Variants in PTPRG observed in about 807,000 individuals in gnomAD.
PTPRG encodes protein tyrosine phosphatase receptor type G.
PTPRG carries 102 observed loss-of-function variants against 165.3 expected under a neutral mutation model. The observed-to-expected ratio is 0.62, with a 90% CI of 0.53 to 0.73. The LOEUF (loss-of-function observed/expected upper bound fraction) is 0.73. Among genes scored for constraint, PTPRG ranks in the 30% least tolerant of loss-of-function variants. The pLI is 0.00. For missense variants in PTPRG, 1,866 were observed against 1,861.4 expected, an observed-to-expected ratio of 1.00 and a Z score of -0.05; for synonymous variants, 675 against 669.5, an observed-to-expected ratio of 1.01 and a Z score of -0.13.
chr3:61,859,629 A>C (rs1041491269), intron 2 of PTPRG, among the ~76,000 whole-genome samples: 4 of 146,790 alleles, frequency 2.7e-5, no homozygotes, highest in African/African-American at 1.0e-4. Flanking sequence ...TTTTTTGGTC[A>C]TTGTTGTTTG....
intron 1 of PTPRG, among the ~76,000 whole-genome samples, chr3:61,650,840 CTG>C (rs761253016): frequency 1.8e-4 from 28 of 152,216 alleles, no homozygotes; most frequent in Admixed American, 3.9e-4. Context: ...TCTTTTACCA[CTG>C]TTTGGTTTTA....
intron 2 of PTPRG, among the ~76,000 whole-genome samples, chr3:61,881,535 C>A (rs145137759): frequency 6.6e-6 from 1 of 152,164 alleles, no homozygotes; most frequent in African/African-American, 2.4e-5. Flanking sequence ...GCATGCAGAT[C>A]TGAAAGCTCC....
intron 1 of PTPRG, among the ~76,000 whole-genome samples, chr3:61,654,543 C>T (rs900587042): frequency 7.9e-5 from 12 of 151,980 alleles, no homozygotes; most frequent in Non-Finnish European, 1.8e-4. Flanking sequence ...TGCCACCATG[C>T]TCAGCTAGTT....
rs561179731 is a variant in PTPRG, at chr3:62,273,157, A to G, written c.3318+76A>G. Reference sequence around the variant, plus strand: ...TGAAATTTGTTAAATGATAATGAAGAGACAGATTCATTCTTTTAGGGCTTG... The same window carrying G: ...TGAAATTTGTTAAATGATAATGAAGGGACAGATTCATTCTTTTAGGGCTTG... On this transcript the variant is annotated intron_variant, in intron 22 of 29. Coordinates refer to ENST00000474889, the MANE Select transcript of PTPRG (RefSeq NM_002841.4). This position sits in a 1 kb window ranked among gnomAD's most constrained non-coding sequence, Gnocchi z 4.1. The G allele has an allele frequency of 1.2e-4, 176 of 1,434,156 alleles. No individual in the cohort carries two copies. The highest frequency in any genetic ancestry group is 1.6e-4 in the Non-Finnish European group (169 of 1,067,098). 88.8% of individuals were successfully genotyped at this position (1,434,156 alleles called of 1,614,324 possible). A position where few individuals can be genotyped will look rare whatever the true frequency, so the allele number is the denominator to read the frequency against.
intron 2 of PTPRG, among the ~76,000 whole-genome samples, chr3:61,956,850 C>T (rs754281338): frequency 3.9e-5 from 6 of 152,044 alleles, no homozygotes; most frequent in Non-Finnish European, 7.4e-5. Flanking sequence ...CCCTCTTTAT[C>T]CTGGAATAGT....
intron 2 of PTPRG, among the ~76,000 whole-genome samples, chr3:61,852,378 G>A (rs1055764094): frequency 6.6e-6 from 1 of 152,200 alleles, no homozygotes; most frequent in African/African-American, 2.4e-5. Flanking sequence ...GTTATACAGT[G>A]ATTATAAGGT....
chr3:61,987,691 C>A (rs931600466), intron 2 of PTPRG, among the ~76,000 whole-genome samples: 14 of 146,302 alleles, frequency 9.6e-5, no homozygotes, highest in African/African-American at 3.3e-4. Flanking sequence ...TTTACAAACT[C>A]AATTGTGGCT....
chr3:61,653,663 G>C (rs972112954), intron 1 of PTPRG, among the ~76,000 whole-genome samples: 5 of 152,118 alleles, frequency 3.3e-5, no homozygotes, highest in Admixed American at 2.6e-4. Context: ...AGGATTCGTC[G>C]TGCCCTGCCA....
chr3:62,257,882 T>A (rs544840955), intron 16 of PTPRG, among the ~76,000 whole-genome samples: 1 of 152,224 alleles, frequency 6.6e-6, no homozygotes, highest in South Asian at 2.1e-4. Context: ...GAGGATCACT[T>A]GAGCCCAGGA....
At chr3:61,826,586 T>C (rs186023825) in intron 2 of PTPRG, among the ~76,000 whole-genome samples, 1 of 152,170 alleles carries the variant, frequency 6.6e-6, no homozygotes, top group Non-Finnish European at 1.5e-5. Flanking sequence ...ACGGCCAATT[T>C]GTTAAAAATG....
chr3:62,145,358 A>G (rs755681778), intron 6 of PTPRG, among the ~76,000 whole-genome samples: 2 of 152,182 alleles, frequency 1.3e-5, no homozygotes, highest in African/African-American at 2.4e-5. Flanking sequence ...CACCACTGCC[A>G]CCAACCCCCA....
intron 2 of PTPRG, among the ~76,000 whole-genome samples, chr3:61,824,070 G>C (rs1387690010): frequency 6.6e-6 from 1 of 152,052 alleles, no homozygotes; most frequent in Non-Finnish European, 1.5e-5. Flanking sequence ...CTTGCAGTGA[G>C]CCAAGATCGC....
chr3:61,849,978 G>A (rs573338350), intron 2 of PTPRG, among the ~76,000 whole-genome samples: 18 of 152,066 alleles, frequency 1.2e-4, no homozygotes, highest in African/African-American at 3.9e-4. Flanking sequence ...TTTTCTCTGG[G>A]CGAAAAGTTG....
At chr3:61,777,995 A>G (rs1263838143) in intron 2 of PTPRG, among the ~76,000 whole-genome samples, 1 of 152,182 alleles carries the variant, frequency 6.6e-6, no homozygotes, top group Non-Finnish European at 1.5e-5. Flanking sequence ...AATACGTGCC[A>G]TTCACTCATT....
intron 5 of PTPRG, among the ~76,000 whole-genome samples, chr3:62,092,120 A>T (rs1166329012): frequency 1.6e-5 from 1 of 62,870 alleles, no homozygotes; most frequent in Non-Finnish European, 3.2e-5. Flanking sequence ...ACACACACAC[A>T]CACACACACA....
chr3:62,004,362 G>A (rs1278822089), intron 4 of PTPRG, among the ~76,000 whole-genome samples: 1 of 152,108 alleles, frequency 6.6e-6, no homozygotes, highest in Non-Finnish European at 1.5e-5. Context: ...CATAGAAATT[G>A]ACCCTTCTGC....
At chr3:61,830,560 G>GTTTTTTTTTTTTT (rs1220550805) in intron 2 of PTPRG, among the ~76,000 whole-genome samples, 1 of 90,106 alleles carries the variant, frequency 1.1e-5, no homozygotes, top group Non-Finnish European at 2.3e-5. Context: ...GGTTCTTTTT[G>GTTTTTTTTTTTTT]TTTTTGTTTT....
chr3:62,078,348 GT>G, intron 5 of PTPRG, 90 bp downstream of exon 5: 1 of 802,056 alleles, frequency 1.2e-6, no homozygotes, highest in Non-Finnish European at 2.0e-6. Flanking sequence ...GAATGCATCT[GT>G]TTTCTAGTTC....
rs562636863 is a variant in PTPRG, at chr3:61,656,805, A to C, written c.86-92073A>C. Among the ~76,000 whole-genome samples the C allele has an allele frequency of 2.6e-5, 4 of 152,296 alleles. No homozygotes were observed. The East Asian group carries it at 7.7e-4, about 29-fold the overall frequency. On this transcript the variant is annotated intron_variant, in intron 1 of 29. Coordinates refer to ENST00000474889, the MANE Select transcript of PTPRG (RefSeq NM_002841.4). ...CTTTAGTTGTTTTCGATTTGGGGCTACTATAAAAAATGTTTTTACTTATTC... is the reference window on the plus strand; with the variant it reads ...CTTTAGTTGTTTTCGATTTGGGGCTCCTATAAAAAATGTTTTTACTTATTC...
Sources: allele counts gnomAD v4.1 joint callset (sites outside exome capture counted in the v4.1 genomes callset), GRCh38; gene constraint gnomAD v4.1.1; non-coding constraint Gnocchi (gnomAD v3.1); transcripts MANE v1.5; gene names NCBI Gene and HGNC (gene_info 2026-07-23, HGNC 2026-07-21).